Variants in CDH20 observed in about 807,000 individuals in gnomAD.
CDH20 encodes the protein cadherin-20.
A neutral mutation model predicts 74.2 loss-of-function variants in CDH20; 29 were observed. The ratio of observed to expected loss-of-function variants is 0.39; its 90% CI spans 0.29 to 0.53. The LOEUF is 0.53. CDH20 is among the 20% of genes least tolerant of loss of function. The pLI is 0.69. For synonymous variants in CDH20, 469 were observed against 405.4 expected (o/e 1.16, Z -1.88); for missense variants, 988 against 1,048.3 (o/e 0.94, Z 0.79).
Position 61,396,049 on chromosome 18 carries a change from GTGTT to G in CDH20, c.-153+62226_-153+62229del, listed in dbSNP as rs796455453. ...TCCTGTGCACTCACAGAGTGTGTGT[GTGTT>G]TGTGTGTGTGTGTGTGTGTTCATGC... On this transcript the variant is annotated intron_variant, in intron 1 of 11. Transcript: ENST00000262717. Among the ~76,000 whole-genome samples the G allele has an allele frequency of 3.4e-4, 51 of 150,894 alleles. No homozygotes were observed. In the South Asian group the frequency reaches 3.6e-3, roughly 11 times the overall value.
At chr18:61,410,491 A>G (rs923802621) in intron 1 of CDH20, among the ~76,000 whole-genome samples, 1 of 152,188 alleles carries the variant, frequency 6.6e-6, no homozygotes, top group Admixed American at 6.5e-5. Flanking sequence ...ACCCCAAATC[A>G]ATTTGACCCA....
Position 61,504,605 on chromosome 18 carries a change from G to A in CDH20, c.829+1485G>A, listed in dbSNP as rs555688594. On this transcript the variant is annotated intron_variant, in intron 5 of 11. Transcript: ENST00000262717. Reference sequence around the variant, plus strand: ...ACAGAGCCCAGGAATGAAGACGTAAGTTTGAGAAGCAGATGCCTGAAGGAA... The same window carrying A: ...ACAGAGCCCAGGAATGAAGACGTAAATTTGAGAAGCAGATGCCTGAAGGAA... 3.3e-5 allele frequency among the ~76,000 whole-genome samples: 5 copies of A among 152,216 alleles called. No individual in the cohort carries two copies. In the East Asian group the frequency reaches 7.7e-4, roughly 24 times the overall value.
intron 1 of CDH20, among the ~76,000 whole-genome samples, chr18:61,441,300 T>C (rs781393354): frequency 1.8e-4 from 28 of 152,190 alleles, no homozygotes; most frequent in Admixed American, 3.9e-4. Context: ...TCAGTGGTGG[T>C]ATTCTAATTA....
chr18:61,507,256 T>C, intron 5 of CDH20, 117 bp from the exon 6 acceptor site: 1 of 983,186 alleles, frequency 1.0e-6, no homozygotes, highest in Non-Finnish European at 1.5e-6. Context: ...AACTCAAGTT[T>C]TACTTTTTGA....
chr18:61,392,193 C>T (rs1196172742), intron 1 of CDH20, among the ~76,000 whole-genome samples: 1 of 145,026 alleles, frequency 6.9e-6, no homozygotes, highest in Non-Finnish European at 1.5e-5. Context: ...CCACCCCCTA[C>T]TCCAGCCTTG....
At chr18:61,524,996 A>C (rs1012719505) in intron 6 of CDH20, among the ~76,000 whole-genome samples, 1 of 152,090 alleles carries the variant, frequency 6.6e-6, no homozygotes, top group African/African-American at 2.4e-5. Flanking sequence ...ACCCTAACTC[A>C]AAAGATTACA....
chr18:61,351,842 A>G (rs1286542595), intron 1 of CDH20, among the ~76,000 whole-genome samples: 1 of 152,130 alleles, frequency 6.6e-6, no homozygotes, highest in Admixed American at 6.5e-5. Flanking sequence ...TACATCTAGT[A>G]TATTCCTGTC....
chr18:61,411,874 A>G (rs1912522953), intron 1 of CDH20, among the ~76,000 whole-genome samples: 2 of 152,086 alleles, frequency 1.3e-5, no homozygotes. Flanking sequence ...GGGGTAAGGC[A>G]AAAAAGACTA....
At chr18:61,388,868 A>C (rs1911682193) in intron 1 of CDH20, among the ~76,000 whole-genome samples, 1 of 152,190 alleles carries the variant, frequency 6.6e-6, no homozygotes, top group Non-Finnish European at 1.5e-5. Context: ...AGAAAATGAT[A>C]AACTCTGAAC....
At chr18:61,493,592 C>G (rs148107741) in intron 2 of CDH20, among the ~76,000 whole-genome samples, 1 of 152,310 alleles carries the variant, frequency 6.6e-6, no homozygotes, top group East Asian at 1.9e-4. Flanking sequence ...TCCCTGACCC[C>G]ACATGTGTGC....
chr18:61,470,175 G>C (rs1232501347), intron 1 of CDH20, among the ~76,000 whole-genome samples: 4 of 152,134 alleles, frequency 2.6e-5, no homozygotes, highest in Non-Finnish European at 5.9e-5. Context: ...ATACACACCA[G>C]AGCACCCTGG....
At chr18:61,345,563 G>A (rs1495816) in intron 1 of CDH20, among the ~76,000 whole-genome samples, 72,619 of 152,014 alleles carry the variant, frequency 0.48, 17,752 homozygotes, top group Middle Eastern at 0.62. Context: ...ATTCCTTCAT[G>A]TCAAATTGGG....
At chr18:61,345,363 G>A (rs1032014018) in intron 1 of CDH20, among the ~76,000 whole-genome samples, 1 of 152,174 alleles carries the variant, frequency 6.6e-6, no homozygotes, top group Non-Finnish European at 1.5e-5. Context: ...TTGCCAAGAG[G>A]CAGGAGGCTT....
intron 1 of CDH20, among the ~76,000 whole-genome samples, chr18:61,423,574 CTT>C (rs960938415): frequency 8.1e-5 from 12 of 148,930 alleles, no homozygotes; most frequent in Non-Finnish European, 1.3e-4. Flanking sequence ...CTGGAAATTT[CTT>C]TTTTTTTTCT....
chr18:61,492,471 A>G (rs1249695151), intron 2 of CDH20, among the ~76,000 whole-genome samples: 1 of 152,056 alleles, frequency 6.6e-6, no homozygotes, highest in Admixed American at 6.5e-5. Flanking sequence ...CGTCTCTTCA[A>G]TGTTTTCCCA....
At chr18:61,538,596 G>T (rs11152299) in intron 8 of CDH20, among the ~76,000 whole-genome samples, 4,163 of 23,254 alleles carry the variant, frequency 0.18, 589 homozygotes, top group Non-Finnish European at 0.29. Context: ...TTGTTTGTTT[G>T]TTTTTGTTTT....
chr18:61,383,092 T>C (rs1193422630), intron 1 of CDH20, among the ~76,000 whole-genome samples: 2 of 152,148 alleles, frequency 1.3e-5, no homozygotes, highest in East Asian at 3.8e-4. Context: ...GTAAATAACT[T>C]ATTTGTTGAA....
intron 1 of CDH20, among the ~76,000 whole-genome samples, chr18:61,347,320 A>AT (rs71178965): frequency 3.2e-5 from 1 of 31,306 alleles, no homozygotes; most frequent in East Asian, 5.8e-4. Flanking sequence ...ATATATATAT[A>AT]CACACACACA....
At chr18:61,467,801 C>T (rs1268469517) in intron 1 of CDH20, among the ~76,000 whole-genome samples, 1 of 152,082 alleles carries the variant, frequency 6.6e-6, no homozygotes, top group Non-Finnish European at 1.5e-5. Context: ...AATCATTTGC[C>T]AAAAAACACA....
Sources: gnomAD v4.1 joint callset for allele counts (sites outside exome capture counted in the v4.1 genomes callset) on GRCh38, gnomAD v4.1.1 for gene constraint, MANE v1.5 for transcripts, NCBI Gene and HGNC (gene_info 2026-07-23, HGNC 2026-07-21) for gene names.